MSI2: variants seen among roughly 807,000 people sequenced by gnomAD.
MSI2 encodes the protein RNA-binding protein Musashi homolog 2.
In MSI2, 17 loss-of-function variants were observed where a neutral mutation model predicts 45.6. The observed-to-expected ratio is 0.37, with a 90% CI of 0.26 to 0.56. The LOEUF (loss-of-function observed/expected upper bound fraction) is 0.56, where lower values mean the gene tolerates loss of function less well. MSI2 is among the 20% of genes least tolerant of loss of function. MSI2 has a pLI of 0.77. For missense variants in MSI2, 293 were observed against 444.2 expected, an observed-to-expected ratio of 0.66 and a Z score of 3.06; for synonymous variants, 156 against 158.2, an observed-to-expected ratio of 0.99 and a Z score of 0.11.
chr17:57,659,723 C>A (rs760698715), intron 11 of MSI2, among the ~76,000 whole-genome samples: 9 of 152,028 alleles, frequency 5.9e-5, no homozygotes, highest in Non-Finnish European at 1.0e-4. Flanking sequence ...GGAATAAAGA[C>A]CATGTAGGAA....
chr17:57,630,133 T>A (rs1426981460), intron 10 of MSI2: 1 of 147,408 alleles, frequency 6.8e-6, no homozygotes, highest in African/African-American at 2.5e-5. Context: ...TGAGATAGGG[T>A]CCCCTGGGTG....
intron 11 of MSI2, among the ~76,000 whole-genome samples, chr17:57,672,941 C>T (rs1912920516): frequency 6.6e-6 from 1 of 152,192 alleles, no homozygotes; most frequent in African/African-American, 2.4e-5. Flanking sequence ...CAGCGCATTC[C>T]CAGATCAGCC....
In MSI2 at chr17:57,411,456, G is replaced by A. The variant is rs1471980771; in HGVS notation, c.405+9985G>A. 2.0e-5 allele frequency among the ~76,000 whole-genome samples: 3 copies of A among 152,194 alleles called. No homozygotes were observed. In the East Asian group the frequency reaches 5.8e-4, roughly 29 times the overall value. On this transcript the variant is annotated intron_variant, in intron 6 of 13. Transcript: ENST00000284073. Reference sequence around the variant, plus strand: ...TTAGGGATTCCTGTTTGCCCGAACCGTTCATGTATCTTTTACCTTGTAATT... The same window carrying A: ...TTAGGGATTCCTGTTTGCCCGAACCATTCATGTATCTTTTACCTTGTAATT...
intron 10 of MSI2, among the ~76,000 whole-genome samples, chr17:57,649,447 T>C (rs1285756185): frequency 6.7e-6 from 1 of 150,286 alleles, no homozygotes; most frequent in Non-Finnish European, 1.5e-5. Flanking sequence ...ACACATCCAA[T>C]ACATACACTC....
At chr17:57,620,180 A>G (rs1265789943) in intron 9 of MSI2, among the ~76,000 whole-genome samples, 1 of 151,950 alleles carries the variant, frequency 6.6e-6, no homozygotes, top group African/African-American at 2.4e-5. Flanking sequence ...TGGACTCTTC[A>G]CTCTATCAGC....
intron 7 of MSI2, among the ~76,000 whole-genome samples, chr17:57,538,589 C>T (rs563502062): frequency 2.0e-5 from 3 of 152,258 alleles, no homozygotes; most frequent in East Asian, 1.9e-4. Flanking sequence ...GTGGAGAGTG[C>T]GGGGCAGCCT....
intron 6 of MSI2, among the ~76,000 whole-genome samples, chr17:57,442,101 A>C (rs1713266826): frequency 6.7e-6 from 1 of 149,536 alleles, no homozygotes; most frequent in Non-Finnish European, 1.5e-5. Flanking sequence ...CAGTGGTGCG[A>C]TCTCGGCTCA....
At chr17:57,341,783 A>G (rs1179809728) in intron 5 of MSI2, among the ~76,000 whole-genome samples, 3 of 152,214 alleles carry the variant, frequency 2.0e-5, no homozygotes, top group Admixed American at 1.3e-4. Flanking sequence ...CAAAAAAGCC[A>G]TTTGAAAAGA....
At chr17:57,338,922 T>C (rs990174247) in intron 5 of MSI2, among the ~76,000 whole-genome samples, 13 of 152,182 alleles carry the variant, frequency 8.5e-5, no homozygotes, top group African/African-American at 2.9e-4. Context: ...GTTCTTTTAA[T>C]GCAACTGGCC....
chr17:57,618,406 A>C (rs544844869), intron 9 of MSI2: 40 of 152,252 alleles, frequency 2.6e-4, no homozygotes, highest in Non-Finnish European at 5.0e-4. Flanking sequence ...TTCTGAAAAA[A>C]TATAAAATAA....
chr17:57,591,807 G>A lies in MSI2; in HGVS notation c.455-5061G>A, dbSNP rs139274645. ...AATGGGGAGTTATTTAACGGGTACA[G>A]AAAAGGTCAGGAGGTGGATACTGGT... On this transcript the variant is annotated intron_variant, in intron 7 of 13. Coordinates refer to ENST00000284073, the MANE Select transcript of MSI2 (RefSeq NM_138962.4). Among the ~76,000 whole-genome samples, 624 of 151,762 alleles carry A rather than the reference G, an allele frequency of 4.1e-3. 5 individuals carry two copies. Among genetic ancestry groups the A allele is most frequent in the Middle Eastern group, 6.9e-3 (2 of 288 alleles).
chr17:57,392,088 C>G (rs2083804449), intron 5 of MSI2, among the ~76,000 whole-genome samples: 1 of 152,222 alleles, frequency 6.6e-6, no homozygotes, highest in Non-Finnish European at 1.5e-5. Flanking sequence ...GACGGCTAGC[C>G]AGCCACCTCG....
intron 10 of MSI2, among the ~76,000 whole-genome samples, chr17:57,645,430 T>C (rs940895821): frequency 3.3e-5 from 5 of 151,912 alleles, no homozygotes; most frequent in Non-Finnish European, 7.4e-5. Flanking sequence ...TTTTTTGTTT[T>C]TTGTTTTTTG....
At chr17:57,291,019 G>GA (rs1910370583) in intron 5 of MSI2, among the ~76,000 whole-genome samples, 1 of 152,192 alleles carries the variant, frequency 6.6e-6, no homozygotes. Context: ...CCATCGTTAG[G>GA]ACTGGGGGCA....
At chr17:57,452,791 C>T (rs1278624098) in intron 6 of MSI2, among the ~76,000 whole-genome samples, 1 of 152,026 alleles carries the variant, frequency 6.6e-6, no homozygotes, top group African/African-American at 2.4e-5. Context: ...TTCCTCTTAC[C>T]AGCCCATGAG....
At chr17:57,438,492 G>A (rs1454349102) in intron 6 of MSI2, among the ~76,000 whole-genome samples, 1 of 152,138 alleles carries the variant, frequency 6.6e-6, no homozygotes, top group Admixed American at 6.5e-5. Flanking sequence ...GGAGCAGAAA[G>A]CAGACTTTCT....
intron 7 of MSI2, among the ~76,000 whole-genome samples, chr17:57,556,520 G>T (rs2087439283): frequency 1.3e-5 from 2 of 152,228 alleles, no homozygotes; most frequent in Non-Finnish European, 2.9e-5. Context: ...AGTCTTTGGG[G>T]TGGGAGGGAG....
chr17:57,391,271 ACC>A, intron 5 of MSI2, among the ~76,000 whole-genome samples: 1 of 152,024 alleles, frequency 6.6e-6, no homozygotes, highest in Middle Eastern at 3.4e-3. Flanking sequence ...AGGAGACAGA[ACC>A]CTTGTGTGGA....
intron 6 of MSI2, among the ~76,000 whole-genome samples, chr17:57,523,385 C>T (rs1299812986): frequency 1.3e-5 from 2 of 152,188 alleles, no homozygotes; most frequent in African/African-American, 2.4e-5. Flanking sequence ...TCAGCCAGCA[C>T]GTGAGCTGGG....
Sources: allele counts gnomAD v4.1 joint callset (sites outside exome capture counted in the v4.1 genomes callset), GRCh38; gene constraint gnomAD v4.1.1; transcripts MANE v1.5; gene names NCBI Gene and HGNC (gene_info 2026-07-23, HGNC 2026-07-21).